LINC00305: variants seen among roughly 807,000 people sequenced by gnomAD.
The protein encoded by LINC00305 is long independently transcribed non-coding RNA 305, also known as long intergenic non-protein coding RNA 305.
intron 1 of LINC00305, among the ~76,000 whole-genome samples, chr18:64,124,537 T>C (rs994377323): frequency 6.6e-6 from 1 of 152,130 alleles, no homozygotes; most frequent in African/African-American, 2.4e-5. Flanking sequence ...TTTTAAAAAA[T>C]GAATTGAGGC....
At chr18:64,084,365 T>C (rs1456410659) in intron 3 of LINC00305, among the ~76,000 whole-genome samples, 1 of 152,080 alleles carries the variant, frequency 6.6e-6, no homozygotes, top group African/African-American at 2.4e-5. Context: ...ACAAAATAGT[T>C]TGTACAACAA....
At chr18:64,149,015 G>A (rs992727454) in exon 1 of LINC00305, 4 of 152,260 alleles carry the variant, frequency 2.6e-5, no homozygotes, top group African/African-American at 7.2e-5. Context: ...GTGGAAATCA[G>A]AGTCCATCAT....
exon 4 of LINC00305, chr18:64,080,311 T>G (rs1599201356): frequency 6.6e-6 from 3 of 457,444 alleles, no homozygotes; most frequent in Non-Finnish European, 1.3e-5. Flanking sequence ...CTTAGTGATC[T>G]CCTTTCCTCT....
chr18:64,098,772 C>A (rs1226697582), intron 1 of LINC00305: 1 of 304,786 alleles, frequency 3.3e-6, no homozygotes, highest in Non-Finnish European at 6.5e-6. Context: ...AAGCCTGGAC[C>A]TGAACAGCCT....
At chr18:64,129,188 T>C (rs2051398522) in intron 1 of LINC00305, among the ~76,000 whole-genome samples, 1 of 152,136 alleles carries the variant, frequency 6.6e-6, no homozygotes, top group Non-Finnish European at 1.5e-5. Flanking sequence ...AGGAATACAT[T>C]GCAATGTAGT....
intron 1 of LINC00305, among the ~76,000 whole-genome samples, chr18:64,141,034 G>A (rs952726130): frequency 1.0e-4 from 12 of 117,970 alleles, no homozygotes; most frequent in African/African-American, 1.9e-4. Context: ...AAATTCTGCC[G>A]ATAATCAGCC....
In LINC00305 at chr18:64,139,186, G is replaced by A. The variant is rs762554201; in HGVS notation, n.314+9589C>T. On this transcript the variant is annotated intron_variant and non_coding_transcript_variant, in intron 1 of 3. Transcript: ENST00000666468. ...CAAACAGCTCAATTCTTAATCTCCT[G>A]AAAATCAAGGAACCAGATCTTTAGT... is the stretch of plus-strand genomic sequence containing the variant. 4.6e-5 allele frequency among the ~76,000 whole-genome samples: 7 copies of A among 152,160 alleles called. 1 individual carries two copies. Among genetic ancestry groups the A allele is most frequent in the Admixed American group, 6.5e-5 (1 of 15,278 alleles).
chr18:64,132,404 C>T (rs2051413655), intron 1 of LINC00305, among the ~76,000 whole-genome samples: 2 of 152,152 alleles, frequency 1.3e-5, no homozygotes, highest in Admixed American at 6.5e-5. Flanking sequence ...AAAAGGGGTG[C>T]CTCATTATAT....
At chr18:64,094,113 A>G (rs56353430) in intron 3 of LINC00305, among the ~76,000 whole-genome samples, 2,481 of 152,280 alleles carry the variant, frequency 0.016, 65 homozygotes, top group African/African-American at 0.057. Flanking sequence ...GAGTCCAGGC[A>G]TTTCATTTGT....
intron 3 of LINC00305, among the ~76,000 whole-genome samples, chr18:64,093,367 G>A (rs888924391): frequency 2.0e-5 from 3 of 151,844 alleles, no homozygotes; most frequent in Non-Finnish European, 2.9e-5. Context: ...ATGGAGTCTC[G>A]CTCTGTCACC....
chr18:64,114,066 G>T (rs1255958598), intron 1 of LINC00305, among the ~76,000 whole-genome samples: 2 of 152,172 alleles, frequency 1.3e-5, no homozygotes. Flanking sequence ...TCAGGAGAGC[G>T]AGACGATCCT....
intron 1 of LINC00305, among the ~76,000 whole-genome samples, chr18:64,126,493 G>A (rs1196338295): frequency 2.0e-5 from 3 of 152,064 alleles, no homozygotes; most frequent in African/African-American, 7.2e-5. Flanking sequence ...GGTTAGACAT[G>A]CTGACCAACA....
intron 1 of LINC00305, among the ~76,000 whole-genome samples, chr18:64,145,178 G>C (rs551338219): frequency 6.6e-6 from 1 of 152,138 alleles, no homozygotes. Flanking sequence ...GAAAGACTGC[G>C]TTTCTGTTTT....
At chr18:64,126,234 T>C (rs1183591693) in intron 1 of LINC00305, among the ~76,000 whole-genome samples, 1 of 152,066 alleles carries the variant, frequency 6.6e-6, no homozygotes, top group Non-Finnish European at 1.5e-5. Context: ...ACAGTTGAAG[T>C]AATTATACTA....
intron 1 of LINC00305, among the ~76,000 whole-genome samples, chr18:64,128,415 G>A (rs77720535): frequency 0.042 from 6,450 of 152,000 alleles, 210 homozygotes; most frequent in Non-Finnish European, 0.063. Flanking sequence ...AACTGAAAAG[G>A]AAGTTGAAAA....
chr18:64,136,541 C>G (rs1009835638), intron 1 of LINC00305, among the ~76,000 whole-genome samples: 1 of 152,142 alleles, frequency 6.6e-6, no homozygotes, highest in African/African-American at 2.4e-5. Context: ...AAACCACCCC[C>G]ATAATTCAAT....
At chr18:64,124,391 C>T (rs1435125102) in intron 1 of LINC00305, among the ~76,000 whole-genome samples, 1 of 152,108 alleles carries the variant, frequency 6.6e-6, no homozygotes, top group Non-Finnish European at 1.5e-5. Context: ...TCCTATAGCA[C>T]CTGTGTGTGC....
Position 64,102,450 on chromosome 18 carries a change from T to C in LINC00305, n.315-3810A>G, listed in dbSNP as rs73469871. On this transcript the variant is annotated intron_variant and non_coding_transcript_variant, in intron 1 of 3. Coordinates refer to ENST00000666468, the Ensembl canonical transcript of LINC00305. ...GTGGTTACAAGTCCCCTGTTTTATA[T>C]TGGGAACATAAGTATAAAGGGTAAA... Among the ~76,000 whole-genome samples the C allele has an allele frequency of 7.7e-3, 1,177 of 152,290 alleles. 9 individuals carry two copies. The highest frequency in any genetic ancestry group is 0.027 in the African/African-American group (1,103 of 41,546).
At chr18:64,124,323 A>G (rs1196593311) in intron 1 of LINC00305, among the ~76,000 whole-genome samples, 1 of 152,066 alleles carries the variant, frequency 6.6e-6, no homozygotes, top group Non-Finnish European at 1.5e-5. Context: ...GGTTTTCCTC[A>G]TGTCCTTAAG....
Sources: allele counts gnomAD v4.1 joint callset (sites outside exome capture counted in the v4.1 genomes callset), GRCh38; gene constraint gnomAD v4.1.1; transcripts MANE v1.5; gene names NCBI Gene and HGNC (gene_info 2026-07-23, HGNC 2026-07-21).